Variants in HMGN5 observed in about 807,000 individuals in gnomAD.
HMGN5 encodes high mobility group nucleosome binding domain 5.
A neutral mutation model predicts 9.5 loss-of-function variants in HMGN5; 4 were observed. The ratio of observed to expected loss-of-function variants is 0.42; its 90% CI spans 0.21 to 0.96. The LOEUF (loss-of-function observed/expected upper bound fraction) is 0.96, where lower values mean the gene tolerates loss of function less well. HMGN5 is among the 40% of genes least tolerant of loss of function. HMGN5 has a pLI of 0.30. For missense variants in HMGN5, 192 were observed against 187.5 expected, an observed-to-expected ratio of 1.02 and a Z score of -0.14; for synonymous variants, 55 against 57.1, an observed-to-expected ratio of 0.96 and a Z score of 0.16.
intron 1 of HMGN5, among the ~76,000 whole-genome samples, chrX:81,134,166 C>T (rs2075305294): frequency 9.0e-6 from 1 of 111,046 alleles, no homozygotes; most frequent in Non-Finnish European, 1.9e-5. Flanking sequence ...TAGCTGACTA[C>T]TGAATTTTGG....
chrX:81,121,441 CTT>C, intron 2 of HMGN5, 92 bp downstream of exon 2: 1 of 950,948 alleles, frequency 1.1e-6, no homozygotes. Context: ...AGCCAAAAAG[CTT>C]TAAAAAAAAC....
intron 1 of HMGN5, among the ~76,000 whole-genome samples, chrX:81,165,428 C>G (rs914504287): frequency 9.0e-6 from 1 of 110,729 alleles, no homozygotes; most frequent in Non-Finnish European, 1.9e-5. Context: ...TTTCGAGTCC[C>G]AGAATATTAT....
At chrX:81,117,382 G>A (rs2075256862) in intron 5 of HMGN5, among the ~76,000 whole-genome samples, 1 of 102,966 alleles carries the variant, frequency 9.7e-6, no homozygotes, top group Non-Finnish European at 1.9e-5. Context: ...AGCCTCCCAA[G>A]CAGCTGGGAC....
rs376005198 is a variant in HMGN5, at chrX:81,146,955, T to A, written c.-123-25283A>T. Reference sequence around the variant, plus strand: ...CTCCCAAGACTAAACCAGGAAGAAGTCAAATCCCTGAATAGACCAATAACA... The same window carrying A: ...CTCCCAAGACTAAACCAGGAAGAAGACAAATCCCTGAATAGACCAATAACA... On this transcript the variant is annotated intron_variant, in intron 1 of 6. Coordinates refer to ENST00000358130, the MANE Select transcript of HMGN5 (RefSeq NM_030763.3). 2.9e-4 allele frequency among the ~76,000 whole-genome samples: 32 copies of A among 111,255 alleles called. No homozygotes were observed. The South Asian group carries it at 0.012, about 41-fold the overall frequency.
intron 1 of HMGN5, among the ~76,000 whole-genome samples, chrX:81,144,900 GAGATCAA>G (rs1396754129): frequency 9.0e-6 from 1 of 111,548 alleles, no homozygotes; most frequent in African/African-American, 3.3e-5. Context: ...AATGATACCA[GAGATCAA>G]AGATCAACTC....
chrX:81,181,764 T>C (rs1245368873), intron 1 of HMGN5, among the ~76,000 whole-genome samples: 2 of 112,204 alleles, frequency 1.8e-5, no homozygotes, highest in African/African-American at 3.2e-5. Context: ...TCTATGTTGT[T>C]GCAAAGGAAA....
chrX:81,123,103 G>A (rs928576472), intron 1 of HMGN5, among the ~76,000 whole-genome samples: 6 of 111,434 alleles, frequency 5.4e-5, no homozygotes, highest in Admixed American at 4.8e-4. Context: ...GATAAACACT[G>A]TATCTGCTAC....
chrX:81,182,680 C>T (rs1275046375), intron 1 of HMGN5, among the ~76,000 whole-genome samples: 1 of 112,271 alleles, frequency 8.9e-6, no homozygotes, highest in Non-Finnish European at 1.9e-5. Context: ...TTCCTGTATG[C>T]CTGCCTGTGT....
In HMGN5 at chrX:81,172,039, G is replaced by C. The variant is rs1008893973; in HGVS notation, c.-124+29698C>G. ...TGTCTTGATAAAATTAAATGTGCTTGAACAAAGGTAAATATTATTTGCTTG... is the reference window on the plus strand; with the variant it reads ...TGTCTTGATAAAATTAAATGTGCTTCAACAAAGGTAAATATTATTTGCTTG... On this transcript the variant is annotated intron_variant, in intron 1 of 6. Transcript: ENST00000358130. 7.2e-4 allele frequency among the ~76,000 whole-genome samples: 80 copies of C among 110,597 alleles called. 1 individual carries two copies. Among genetic ancestry groups the C allele is most frequent in the Non-Finnish European group, 3.4e-4 (18 of 52,646 alleles).
In HMGN5 at chrX:81,157,880, C is replaced by T. The variant is rs745379991; in HGVS notation, c.-123-36208G>A. 1.2e-3 allele frequency among the ~76,000 whole-genome samples: 132 copies of T among 109,923 alleles called. 2 individuals carry two copies. The highest frequency in any genetic ancestry group is 4.6e-3 in the Middle Eastern group (1 of 218). On this transcript the variant is annotated intron_variant, in intron 1 of 6. Coordinates refer to ENST00000358130, the MANE Select transcript of HMGN5 (RefSeq NM_030763.3). The stretch of plus-strand genomic sequence containing the variant: ...CTGCAAGCTCTGCCTCCTGGGTTCA[C>T]GCCATTCTCCTGCCTCAGCCTCCCA...
chrX:81,145,369 A>C lies in HMGN5; in HGVS notation c.-123-23697T>G, dbSNP rs752459840. On this transcript the variant is annotated intron_variant, in intron 1 of 6. Transcript: ENST00000358130. ...AGTATTCAACATTCTTAAAGAAAAG[A>C]ATTTTCAACCCAGAATTTCATATCC... 2.7e-5 allele frequency among the ~76,000 whole-genome samples: 3 copies of C among 112,011 alleles called. No individual in the cohort carries two copies. In the South Asian group the frequency reaches 1.1e-3, roughly 42 times the overall value.
chrX:81,180,598 G>T (rs750684311), intron 1 of HMGN5, among the ~76,000 whole-genome samples: 3 of 111,955 alleles, frequency 2.7e-5, no homozygotes, highest in South Asian at 3.7e-4. Flanking sequence ...TTACACTGTT[G>T]TTGGGAGTGT....
intron 1 of HMGN5, among the ~76,000 whole-genome samples, chrX:81,135,206 T>C (rs2075307930): frequency 9.0e-6 from 1 of 111,612 alleles, no homozygotes; most frequent in African/African-American, 3.2e-5. Flanking sequence ...TGTGAAAATA[T>C]TTACAAGTAA....
chrX:81,159,454 T>C (rs1047290830), intron 1 of HMGN5, among the ~76,000 whole-genome samples: 3 of 111,424 alleles, frequency 2.7e-5, no homozygotes, highest in African/African-American at 9.8e-5. Context: ...TCTCTATCAA[T>C]ACGTGTAGTG....
At chrX:81,158,899 A>G (rs974345554) in intron 1 of HMGN5, among the ~76,000 whole-genome samples, 1 of 111,823 alleles carries the variant, frequency 8.9e-6, no homozygotes, top group African/African-American at 3.3e-5. Flanking sequence ...ATCCAAAGGA[A>G]CATAAATCAT....
intron 1 of HMGN5, among the ~76,000 whole-genome samples, chrX:81,184,456 C>A (rs985345073): frequency 9.0e-6 from 1 of 111,654 alleles, no homozygotes; most frequent in East Asian, 2.8e-4. Flanking sequence ...CAAATTACCC[C>A]GTCTCACATA....
intron 1 of HMGN5, among the ~76,000 whole-genome samples, chrX:81,129,102 A>G (rs145792155): frequency 0.012 from 1,287 of 111,466 alleles, 23 homozygotes; most frequent in African/African-American, 0.04. Context: ...GGAAAAAAGT[A>G]CCTATTTGCA....
chrX:81,201,430 T>A (rs2075526666), intron 1 of HMGN5, among the ~76,000 whole-genome samples: 1 of 111,599 alleles, frequency 9.0e-6, no homozygotes, highest in Non-Finnish European at 1.9e-5. Flanking sequence ...AAATCATCCA[T>A]CTTTTTACAC....
At chrX:81,182,163 A>C (rs1395237223) in intron 1 of HMGN5, among the ~76,000 whole-genome samples, 2 of 111,873 alleles carry the variant, frequency 1.8e-5, no homozygotes, top group Non-Finnish European at 3.8e-5. Flanking sequence ...ATGATATATC[A>C]TTGCGGTTTT....
Sources: allele counts gnomAD v4.1 joint callset (sites outside exome capture counted in the v4.1 genomes callset), GRCh38; gene constraint gnomAD v4.1.1; transcripts MANE v1.5; gene names NCBI Gene and HGNC (gene_info 2026-07-23, HGNC 2026-07-21).